The following IL1RAPL2 variants were observed in gnomAD, a reference collection of about 807,000 sequenced individuals.
IL1RAPL2 encodes the protein interleukin 1 receptor accessory protein like 2.
In IL1RAPL2, 3 loss-of-function variants were observed where a neutral mutation model predicts 44.1. The ratio of observed to expected loss-of-function variants is 0.07; its 90% confidence interval spans 0.03 to 0.18. The LOEUF (loss-of-function observed/expected upper bound fraction) is 0.18, where lower values mean the gene tolerates loss of function less well. Ranked by LOEUF, IL1RAPL2 falls within the 10% of genes least tolerant of loss-of-function variation. The pLI, the probability that IL1RAPL2 is intolerant of heterozygous loss-of-function variation, is 1.00. For missense variants in IL1RAPL2, 391 were observed against 496.4 expected (o/e 0.79, Z 2.02); for synonymous variants, 181 against 178.8 (o/e 1.01, Z -0.10).
chrX:105,143,461 A>C, intron 2 of IL1RAPL2, among the ~76,000 whole-genome samples: 1 of 111,837 alleles, frequency 8.9e-6, no homozygotes, highest in Non-Finnish European at 1.9e-5. Flanking sequence ...GCTGGAGAGG[A>C]TGTGGAGAAA....
rs200648010 is a variant in IL1RAPL2, at chrX:104,976,716, C to CA, written c.83-218758dup. On this transcript the variant is annotated intron_variant, in intron 2 of 10. Transcript: ENST00000372582. ...TTTCTACACCAAATGCCCGAAACCTCAGAGTTTCCAGGGGTTCTCCAAATG... is the reference window on the plus strand; with the variant it reads ...TTTCTACACCAAATGCCCGAAACCTCAAGAGTTTCCAGGGGTTCTCCAAATG... Among the ~76,000 whole-genome samples, 885 of 110,558 alleles carry CA rather than the reference C, an allele frequency of 8.0e-3. 11 individuals carry two copies. Among genetic ancestry groups the CA allele is most frequent in the African/African-American group, 0.026 (801 of 30,339 alleles).
At chrX:105,240,696 G>C (rs1240166400) in intron 4 of IL1RAPL2, among the ~76,000 whole-genome samples, 1 of 111,401 alleles carries the variant, frequency 9.0e-6, no homozygotes, top group African/African-American at 3.3e-5. Flanking sequence ...TTATTTCTGT[G>C]GTCTACAATA....
At chrX:105,207,069 T>C (rs1459720652) in intron 3 of IL1RAPL2, among the ~76,000 whole-genome samples, 1 of 111,919 alleles carries the variant, frequency 8.9e-6, no homozygotes, top group Admixed American at 9.5e-5. Context: ...ATGTTCATGG[T>C]GGAACACAAA....
intron 4 of IL1RAPL2, among the ~76,000 whole-genome samples, chrX:105,253,711 C>G (rs1274993101): frequency 1.8e-5 from 2 of 111,532 alleles, no homozygotes; most frequent in Non-Finnish European, 3.8e-5. Flanking sequence ...CTCCTTCCAC[C>G]TTCAAGTAGA....
At chrX:104,807,878 T>A (rs182462063) in intron 2 of IL1RAPL2, among the ~76,000 whole-genome samples, 7 of 111,958 alleles carry the variant, frequency 6.3e-5, no homozygotes, top group East Asian at 5.6e-4. Context: ...AAAACATTTT[T>A]AAATAAAAAC....
At chrX:105,061,289 C>T (rs909614982) in intron 2 of IL1RAPL2, among the ~76,000 whole-genome samples, 4 of 111,676 alleles carry the variant, frequency 3.6e-5, no homozygotes, top group South Asian at 3.7e-4. Context: ...TTAATATCTT[C>T]ATTGACCCAC....
At chrX:105,379,576 T>G (rs915298922) in intron 5 of IL1RAPL2, among the ~76,000 whole-genome samples, 1 of 111,575 alleles carries the variant, frequency 9.0e-6, no homozygotes, top group Non-Finnish European at 1.9e-5. Context: ...GACAGAGCTG[T>G]TAAGAGCATG....
chrX:105,602,847 T>A (rs2147823253), intron 6 of IL1RAPL2, among the ~76,000 whole-genome samples: 1 of 106,386 alleles, frequency 9.4e-6, no homozygotes, highest in Admixed American at 1.0e-4. Flanking sequence ...AGCAAAGCTA[T>A]CCTGCAAAAA....
At chrX:104,883,481 C>A (rs1229808715) in intron 2 of IL1RAPL2, among the ~76,000 whole-genome samples, 2 of 111,364 alleles carry the variant, frequency 1.8e-5, no homozygotes, top group African/African-American at 3.3e-5. Context: ...TTGGTTGACC[C>A]TGTGACCATG....
chrX:104,974,053 A>G (rs755050145), intron 2 of IL1RAPL2, among the ~76,000 whole-genome samples: 137 of 111,822 alleles, frequency 1.2e-3, no homozygotes, highest in African/African-American at 4.2e-3. Context: ...CACATTTCAT[A>G]TAAAACTAGG....
intron 2 of IL1RAPL2, among the ~76,000 whole-genome samples, chrX:104,915,788 G>T (rs1924405071): frequency 9.0e-6 from 1 of 111,524 alleles, no homozygotes; most frequent in Non-Finnish European, 1.9e-5. Flanking sequence ...TCTACATATG[G>T]CTAGCCCGTT....
chrX:105,443,874 G>A (rs966709509), intron 5 of IL1RAPL2, among the ~76,000 whole-genome samples: 18 of 111,705 alleles, frequency 1.6e-4, no homozygotes, highest in African/African-American at 5.2e-4. Context: ...GGGATCGCTG[G>A]ATCATATGGT....
intron 5 of IL1RAPL2, among the ~76,000 whole-genome samples, chrX:105,405,442 G>A: frequency 8.9e-6 from 1 of 111,993 alleles, no homozygotes; most frequent in Non-Finnish European, 1.9e-5. Flanking sequence ...TATATTTGGA[G>A]CCTTTTATAA....
rs2033722362 is a variant in IL1RAPL2 at position 105,202,077 on chromosome X, T to C, written c.356+6329T>C. On this transcript the variant is annotated intron_variant, in intron 3 of 10. Coordinates refer to ENST00000372582, the MANE Select transcript of IL1RAPL2 (RefSeq NM_017416.2). The stretch of plus-strand genomic sequence containing the variant: ...TAGCAAAGAAGTAACCATTTTACTT[T>C]ATTTTCATTTCATTAGCATTAAATT... Among the ~76,000 whole-genome samples the C allele has an allele frequency of 2.7e-5, 3 of 112,202 alleles. No individual in the cohort carries two copies. The Admixed American group carries it at 2.8e-4, about 11-fold the overall frequency.
At chrX:105,394,638 A>G (rs1025015655) in intron 5 of IL1RAPL2, among the ~76,000 whole-genome samples, 2 of 111,163 alleles carry the variant, frequency 1.8e-5, no homozygotes, top group African/African-American at 3.3e-5. Flanking sequence ...AAGGATCTCT[A>G]TTGTTTACCA....
At chrX:105,512,983 T>A (rs1277817039) in intron 6 of IL1RAPL2, among the ~76,000 whole-genome samples, 1 of 110,646 alleles carries the variant, frequency 9.0e-6, no homozygotes. Context: ...GTGTTCTCAT[T>A]GTTCAACTCC....
At chrX:105,621,203 A>G (rs759100579) in intron 6 of IL1RAPL2, among the ~76,000 whole-genome samples, 68 of 111,984 alleles carry the variant, frequency 6.1e-4, no homozygotes, top group African/African-American at 1.9e-3. Context: ...AACAGGCATT[A>G]TCCACAACAT....
At chrX:105,743,412 TC>T in intron 8 of IL1RAPL2, among the ~76,000 whole-genome samples, 1 of 111,454 alleles carries the variant, frequency 9.0e-6, no homozygotes, top group East Asian at 2.9e-4. Context: ...CTGCCTCAGG[TC>T]CTTTGCACTT....
intron 2 of IL1RAPL2, among the ~76,000 whole-genome samples, chrX:105,150,368 C>T (rs767233665): frequency 2.7e-5 from 3 of 111,530 alleles, no homozygotes; most frequent in Non-Finnish European, 5.7e-5. Context: ...TCCACTAGGC[C>T]CATTGAGGGT....
Sources: allele counts gnomAD v4.1 joint callset (sites outside exome capture counted in the v4.1 genomes callset), GRCh38; gene constraint gnomAD v4.1.1; transcripts MANE v1.5; gene names NCBI Gene and HGNC (gene_info 2026-07-23, HGNC 2026-07-21).